ABCB7: variants seen among roughly 807,000 people sequenced by gnomAD.
The protein encoded by ABCB7 is ATP binding cassette subfamily B member 7, also known as iron-sulfur clusters transporter ABCB7, mitochondrial.
In ABCB7, 7 loss-of-function variants were observed where a neutral mutation model predicts 54.4. The observed-to-expected ratio is 0.13, with a 90% CI of 0.07 to 0.24. The LOEUF (loss-of-function observed/expected upper bound fraction) is 0.24, where lower values mean the gene tolerates loss of function less well. Ranked by LOEUF, ABCB7 falls within the 10% of genes least tolerant of loss-of-function variation. The pLI is 1.00. For synonymous variants in ABCB7, 218 were observed against 207.1 expected (o/e 1.05, Z -0.45); for missense variants, 356 against 570.4 (o/e 0.62, Z 3.83).
intron 4 of ABCB7, among the ~76,000 whole-genome samples, chrX:75,096,664 T>C: frequency 9.0e-6 from 1 of 111,666 alleles, no homozygotes; most frequent in East Asian, 2.8e-4. Context: ...ATCTGGGTGT[T>C]CTGCTAGTAC....
At chrX:75,130,634 C>A (rs1391737357) in intron 1 of ABCB7, among the ~76,000 whole-genome samples, 4 of 111,686 alleles carry the variant, frequency 3.6e-5, no homozygotes, top group Non-Finnish European at 7.5e-5. Context: ...CCTATCAGAA[C>A]ACTCTTGGGG....
intron 4 of ABCB7, among the ~76,000 whole-genome samples, chrX:75,078,164 G>A (rs1390884638): frequency 9.1e-6 from 1 of 109,573 alleles, no homozygotes; most frequent in Non-Finnish European, 1.9e-5. Context: ...CGCCCGCCTC[G>A]GCCTCCCAAA....
In ABCB7 at chrX:75,156,096, G is replaced by A; in HGVS notation, c.168+9C>T. On this transcript the variant is annotated intron_variant, in intron 1 of 15. Coordinates refer to ENST00000373394, the MANE Select transcript of ABCB7 (RefSeq NM_001271696.3). ...TTCACCCTATTCTTCCATGTCAGTGGCATCTCACCTGGTAGGCTCGAGCGG... is the reference window on the plus strand; with the variant it reads ...TTCACCCTATTCTTCCATGTCAGTGACATCTCACCTGGTAGGCTCGAGCGG... 1 of 1,209,838 alleles carries A rather than the reference G, an allele frequency of 8.3e-7. No homozygotes were observed. The highest frequency in any genetic ancestry group is 1.1e-6 in the Non-Finnish European group (1 of 894,612).
At chrX:75,072,998 T>A (rs972173439) in intron 8 of ABCB7, among the ~76,000 whole-genome samples, 1 of 109,021 alleles carries the variant, frequency 9.2e-6, no homozygotes, top group East Asian at 2.9e-4. Flanking sequence ...AGCCTAGACC[T>A]ACATAGGATC....
At position 75,103,962 on chromosome X, in the gene ABCB7, T is replaced by C. The variant is rs2081661488; in HGVS notation, c.334-4901A>G. Among the ~76,000 whole-genome samples the C allele has an allele frequency of 3.7e-5, 4 of 107,939 alleles. No homozygotes were observed. The South Asian group carries it at 1.6e-3, about 44-fold the overall frequency. 93.7% of individuals were successfully genotyped at this position (107,939 alleles called of 115,157 possible). ...TCCCAATTTGGATGTCTTTTATTTG[T>C]TTCTCTTACCTGATGGCTCTGGTTA... is the stretch of plus-strand genomic sequence containing the variant. On this transcript the variant is annotated intron_variant, in intron 3 of 15. Coordinates refer to ENST00000373394, the MANE Select transcript of ABCB7 (RefSeq NM_001271696.3).
intron 1 of ABCB7, among the ~76,000 whole-genome samples, chrX:75,119,064 G>A (rs187143326): frequency 2.9e-4 from 33 of 112,172 alleles, no homozygotes; most frequent in African/African-American, 1.0e-3. Flanking sequence ...ATCTAAAAGA[G>A]CTTTGATTAA....
intron 4 of ABCB7, among the ~76,000 whole-genome samples, chrX:75,088,463 A>T (rs1289826219): frequency 8.9e-6 from 1 of 112,142 alleles, no homozygotes; most frequent in African/African-American, 3.2e-5. Context: ...GGAATCTCTA[A>T]GAAAGAATCA....
At chrX:75,086,238 A>G (rs1221889038) in intron 4 of ABCB7, among the ~76,000 whole-genome samples, 1 of 112,088 alleles carries the variant, frequency 8.9e-6, no homozygotes, top group Non-Finnish European at 1.9e-5. Context: ...AAAGACTGGT[A>G]TATCATTACA....
intron 3 of ABCB7, among the ~76,000 whole-genome samples, chrX:75,105,162 T>C (rs1298352659): frequency 1.8e-5 from 2 of 110,803 alleles, no homozygotes; most frequent in Non-Finnish European, 3.8e-5. Context: ...CAACATCTTA[T>C]TGGGAGTCCT....
chrX:75,094,156 A>T (rs1405936186), intron 4 of ABCB7, among the ~76,000 whole-genome samples: 4 of 106,767 alleles, frequency 3.7e-5, no homozygotes, highest in African/African-American at 1.4e-4. Flanking sequence ...AAGGGTGTTT[A>T]TTTTTATAAA....
At chrX:75,088,981 A>G (rs2081523804) in intron 4 of ABCB7, among the ~76,000 whole-genome samples, 3 of 111,211 alleles carry the variant, frequency 2.7e-5, no homozygotes, top group Non-Finnish European at 5.7e-5. Flanking sequence ...CCTATAAAGG[A>G]ACAAGAATAA....
At chrX:75,104,064 T>G (rs1381830877) in intron 3 of ABCB7, among the ~76,000 whole-genome samples, 5 of 68,857 alleles carry the variant, frequency 7.3e-5, no homozygotes, top group Non-Finnish European at 1.3e-4. Context: ...TTTTTTTTTT[T>G]TTTTTTTTTT....
intron 4 of ABCB7, among the ~76,000 whole-genome samples, chrX:75,095,679 TTCCTTC>T (rs1031127796): frequency 8.9e-6 from 1 of 112,476 alleles, no homozygotes; most frequent in African/African-American, 3.2e-5. Context: ...TGGCAATTTC[TTCCTTC>T]TCCTGATTCA....
intron 13 of ABCB7, chrX:75,062,689 C>G (rs1391262322): frequency 3.0e-6 from 1 of 331,059 alleles, no homozygotes; most frequent in African/African-American, 2.6e-5. Context: ...AGTAAGGTAA[C>G]AACTTTGATT....
intron 1 of ABCB7, among the ~76,000 whole-genome samples, chrX:75,146,667 C>T (rs1456010467): frequency 8.9e-6 from 1 of 111,781 alleles, no homozygotes; most frequent in Non-Finnish European, 1.9e-5. Context: ...CAAAAATTAA[C>T]TCAAGATGGA....
chrX:75,063,883 G>A (rs1228412216), intron 13 of ABCB7, among the ~76,000 whole-genome samples: 1 of 111,662 alleles, frequency 9.0e-6, no homozygotes, highest in African/African-American at 3.3e-5. Flanking sequence ...CATGCAGAAA[G>A]GAAAAATAAG....
chrX:75,155,429 C>T (rs372246041), intron 1 of ABCB7, among the ~76,000 whole-genome samples: 8 of 112,351 alleles, frequency 7.1e-5, no homozygotes, highest in African/African-American at 2.6e-4. Flanking sequence ...TAATAATGGA[C>T]TCAAATTTTA....
At chrX:75,073,800 G>C (rs761692635) in intron 7 of ABCB7, 24 bp from the exon 8 acceptor site, 2 of 1,180,833 alleles carry the variant, frequency 1.7e-6, no homozygotes, top group Non-Finnish European at 2.3e-6. Flanking sequence ...ATTTGCATAG[G>C]CATGAAATAC....
At chrX:75,086,909 T>C (rs761867435) in intron 4 of ABCB7, among the ~76,000 whole-genome samples, 51 of 111,801 alleles carry the variant, frequency 4.6e-4, no homozygotes, top group Non-Finnish European at 8.5e-4. Flanking sequence ...CTAATTATAA[T>C]GCATTACCAT....
Sources: allele counts gnomAD v4.1 joint callset (sites outside exome capture counted in the v4.1 genomes callset), GRCh38; gene constraint gnomAD v4.1.1; transcripts MANE v1.5; gene names NCBI Gene and HGNC (gene_info 2026-07-23, HGNC 2026-07-21).